MOB3C: variants seen among roughly 807,000 people sequenced by gnomAD.
MOB3C encodes the protein MOB1, Mps One Binder kinase activator-like 2C.
A neutral mutation model predicts 19.8 loss-of-function variants in MOB3C; 17 were observed. The observed-to-expected ratio is 0.86, with a 90% confidence interval of 0.59 to 1.29. The LOEUF is 1.29. Among genes scored for constraint, MOB3C ranks in the 50% most tolerant of loss-of-function variants. The pLI, the probability that MOB3C is intolerant of heterozygous loss-of-function variation, is 0.00. For synonymous variants in MOB3C, 101 were observed against 119.2 expected, an observed-to-expected ratio of 0.85 and a Z score of 0.99; for missense variants, 291 against 301.9, an observed-to-expected ratio of 0.96 and a Z score of 0.27.
At chr1:46,613,394 G>GTC (rs774620178) in intron 1 of MOB3C, 23 bp from the exon 2 acceptor site, 1 of 1,568,250 alleles carries the variant, frequency 6.4e-7, no homozygotes, top group Non-Finnish European at 8.6e-7. Flanking sequence ...AGGGCATAGG[G>GTC]GAGCTGGCGG....
intron 1 of MOB3C, chr1:46,615,726 C>G (rs1675549995): frequency 6.6e-6 from 1 of 152,218 alleles, no homozygotes; most frequent in African/African-American, 2.4e-5. Context: ...AGTAAAAGAC[C>G]ATTTTCCTGC....
chr1:46,616,494 A>ACCCCCCCCCCCCCCC (rs1675563605), intron 1 of MOB3C: 1 of 135,174 alleles, frequency 7.4e-6, no homozygotes, highest in African/African-American at 2.8e-5. Flanking sequence ...ACGCCCCCCA[A>ACCCCCCCCCCCCCCC]CCCCTCCCCT....
rs4275405 is a variant in MOB3C, at chr1:46,609,102, T to A, written c.*553A>T. The A allele has an allele frequency of 0.52, 92,195 of 177,126 alleles. 25,383 individuals carry two copies. Among genetic ancestry groups the A allele is most frequent in the East Asian group, 0.94 (5,472 of 5,810 alleles). 11.0% of individuals were successfully genotyped at this position (177,126 alleles called of 1,614,324 possible). A position where few individuals can be genotyped will look rare whatever the true frequency, so the allele number is the denominator to read the frequency against. On this transcript the variant is annotated 3_prime_UTR_variant, in exon 4 of 4. Coordinates refer to ENST00000319928, the MANE Select transcript of MOB3C (RefSeq NM_201403.3). ...TGAGCTGTCATCACTCCTACAGTGG[T>A]CATGGTCTGATGGTCCCATGGTCTG...
chr1:46,610,113 G>C lies in MOB3C; in HGVS notation c.510C>G (p.Phe170Leu), dbSNP rs1219625122. 3.1e-6 allele frequency: 5 copies of C among 1,614,092 alleles called. No homozygotes were observed. In the African/African-American group the frequency reaches 6.7e-5, roughly 22 times the overall value. Residue 170 changes from phenylalanine to leucine, a missense_variant, in exon 3 of 4, where the codon TTC becomes TTG. Physicochemically the swap from Phe to Leu is conservative, Grantham distance 22. Coordinates refer to ENST00000319928, the MANE Select transcript of MOB3C (RefSeq NM_201403.3). ...CTGCCCCCATGCTGAGGATGCTATC[G>C]AAGTGGTGGATGTAGACATGGACAA... is the stretch of plus-strand genomic sequence containing the variant. ...RVFVHVYIHHFDSILSMGAEA... is the reference protein window; with the variant it reads ...RVFVHVYIHHLDSILSMGAEA...
intron 1 of MOB3C, chr1:46,615,235 C>G: frequency 1.6e-6 from 1 of 606,456 alleles, no homozygotes; most frequent in Non-Finnish European, 2.9e-6. Flanking sequence ...TCCTACCTTT[C>G]CTGCCCCACT....
In MOB3C at chr1:46,608,234, C is replaced by T. The variant is rs898438922; in HGVS notation, c.*1421G>A. 2.7e-4 allele frequency: 41 copies of T among 152,522 alleles called. No individual in the cohort carries two copies. The highest frequency in any genetic ancestry group is 9.9e-4 in the African/African-American group (41 of 41,578). The allele number at this position is 152,522 out of a possible 1,614,324, so 9.4% of individuals were successfully genotyped here. On this transcript the variant is annotated 3_prime_UTR_variant, in exon 4 of 4. Transcript: ENST00000319928. This position sits in a 1 kb window ranked among gnomAD's most constrained non-coding sequence, Gnocchi z 4.5. The stretch of plus-strand genomic sequence containing the variant: ...GGTTTCTCCAGCTCCATGAATGCCT[C>T]CCTGTGAGGCCCTGGACAGTTTCTC...
Position 46,613,150 on chromosome 1 carries a change from C to A in MOB3C, c.172G>T (p.Asp58Tyr), listed in dbSNP as rs771683063. Residue 58 changes from aspartate (D) to tyrosine (Y), a missense_variant, in exon 2 of 4, where the codon GAC becomes TAC. Coordinates refer to ENST00000319928, the MANE Select transcript of MOB3C (RefSeq NM_201403.3). ...TCCACCACGTGCACGGCGATCCAGT[C>A]GTCGATGTTCTCCCCGGGTGGTAGC... is the stretch of plus-strand genomic sequence containing the variant. ...VRLPPGENID[D>Y]WIAVHVVDFF... The A allele has an allele frequency of 6.2e-7, 1 of 1,614,270 alleles. No homozygotes were observed. The highest frequency in any genetic ancestry group is 1.1e-5 in the South Asian group (1 of 91,086).
At chr1:46,612,658 GAAAA>G (rs112172528) in intron 2 of MOB3C, among the ~76,000 whole-genome samples, 1 of 97,128 alleles carries the variant, frequency 1.0e-5, no homozygotes, top group African/African-American at 3.4e-5. Flanking sequence ...TCTCAGAAAA[GAAAA>G]AAAAAAAAAA....
intron 1 of MOB3C, chr1:46,615,711 C>T (rs1675549614): frequency 6.6e-6 from 1 of 152,108 alleles, no homozygotes; most frequent in Non-Finnish European, 1.5e-5. Flanking sequence ...CAGCTCATGA[C>T]CAAGAGTAAA....
rs115135917 is a variant in MOB3C at position 46,613,231 on chromosome 1, A to G, written c.91T>C (p.Tyr31His). ...FEPGTQRFEL[Y>H]KKAQASLKSG... ...TTGAGAGAGGCCTGTGCCTTCTTGT[A>G]CAGCTCAAAGCGCTGTGTGCCCGGC... is the stretch of plus-strand genomic sequence containing the variant. The change falls in exon 2 of 4, where the codon TAC becomes CAC. Residue 31 changes from tyrosine (Y) to histidine (H), a missense_variant. By Grantham distance (83) the Tyr-to-His change is moderately conservative. Coordinates refer to ENST00000319928, the MANE Select transcript of MOB3C (RefSeq NM_201403.3). 4.2e-4 allele frequency: 678 copies of G among 1,614,170 alleles called. 6 individuals are homozygous for G. In the African/African-American group the frequency reaches 7.6e-3, roughly 18 times the overall value.
At chr1:46,614,548 A>T (rs1193496819) in intron 1 of MOB3C, 1 of 181,508 alleles carries the variant, frequency 5.5e-6, no homozygotes, top group Non-Finnish European at 1.2e-5. Context: ...ACTAAGGCTG[A>T]GTATAAGCTA....
rs1473622536 is a variant in MOB3C, at chr1:46,609,995, G to A, written c.621+7C>T. ...TGGTAGGGGAGGGTGGTAGGGCTTG[G>A]CCTCACCAGTGGCTCCAGCTCCCGC... On this transcript the variant is annotated splice_region_variant and intron_variant, in intron 3 of 3. Transcript: ENST00000319928. The A allele has an allele frequency of 6.2e-7, 1 of 1,614,156 alleles. No individual in the cohort carries two copies. Among genetic ancestry groups the A allele is most frequent in the South Asian group, 1.1e-5 (1 of 91,080 alleles).
chr1:46,614,832 G>GGGGA (rs1167248668), intron 1 of MOB3C: 1 of 608,498 alleles, frequency 1.6e-6, no homozygotes, highest in Non-Finnish European at 2.9e-6. Flanking sequence ...CAAACTAGCT[G>GGGGA]GGGAGCTGTT....
rs1018523607 is a variant in MOB3C, at chr1:46,608,013, T to C, written c.*1642A>G. Reference sequence around the variant, plus strand: ...CAAAGTACAGGCAGCTTCTAGGCCATTGAGTGGGGCATGATATTGGATGCT... The same window carrying C: ...CAAAGTACAGGCAGCTTCTAGGCCACTGAGTGGGGCATGATATTGGATGCT... On this transcript the variant is annotated 3_prime_UTR_variant, in exon 4 of 4. Coordinates refer to ENST00000319928, the MANE Select transcript of MOB3C (RefSeq NM_201403.3). The surrounding 1 kb of genome is among the most constrained non-coding windows in gnomAD (Gnocchi z 4.5). The C allele has an allele frequency of 1.3e-5, 2 of 152,230 alleles. No homozygotes were observed. Among genetic ancestry groups the C allele is most frequent in the African/African-American group, 2.4e-5 (1 of 41,456 alleles). The allele number at this position is 152,230 out of a possible 1,614,324, so 9.4% of individuals were successfully genotyped here.
chr1:46,613,028 G>A lies in MOB3C; in HGVS notation c.294C>T (p.Tyr98=), dbSNP rs1174270386. 1 of 1,613,942 alleles carries A rather than the reference G, an allele frequency of 6.2e-7. No homozygotes were observed. The highest frequency in any genetic ancestry group is 1.1e-5 in the South Asian group (1 of 91,066). The change falls in exon 2 of 4, where the codon TAC becomes TAT. Residue 98 remains tyrosine (Y), a synonymous_variant. Coordinates refer to ENST00000319928, the MANE Select transcript of MOB3C (RefSeq NM_201403.3). ...PVMAGGPRYE[Y]RWQDERQYRR... is the part of the protein sequence containing the mutation. ...GGTACTGGCGCTCGTCCTGCCAGCG[G>A]TACTCGTAGCGGGGCCCGCCGGCCA...
intron 1 of MOB3C, 68 bp from the exon 2 acceptor site, chr1:46,613,439 T>G (rs1015597550): frequency 7.2e-7 from 1 of 1,384,142 alleles, no homozygotes; most frequent in East Asian, 2.3e-5. Context: ...GACTTCCCAA[T>G]TCATCATTTC....
At chr1:46,612,314 A>G (rs574988599) in intron 2 of MOB3C, among the ~76,000 whole-genome samples, 22 of 152,276 alleles carry the variant, frequency 1.4e-4, no homozygotes, top group African/African-American at 5.3e-4. Flanking sequence ...AGGTCAAATC[A>G]GCTATGAACA....
intron 1 of MOB3C, chr1:46,615,088 A>G (rs1352640953): frequency 6.2e-7 from 1 of 1,606,218 alleles, no homozygotes; most frequent in Non-Finnish European, 8.5e-7. Flanking sequence ...TGCCATCTCC[A>G]TTTTAAACTC....
chr1:46,613,145 C>T lies in MOB3C; in HGVS notation c.177G>A (p.Trp59Ter), dbSNP rs1362846676. The change falls in exon 2 of 4, where the codon TGG (tryptophan) becomes TGA (stop). Residue 59 changes from tryptophan to a stop codon, truncating the protein, a stop_gained. Transcript: ENST00000319928. LOFTEE classifies it high-confidence loss of function. ...RLPPGENIDDWIAVHVVDFFN... is the reference protein window; with the variant it reads ...RLPPGENIDD ...AGAAGTCCACCACGTGCACGGCGAT[C>T]CAGTCGTCGATGTTCTCCCCGGGTG... is the stretch of plus-strand genomic sequence containing the variant. The T allele has an allele frequency of 3.7e-6, 6 of 1,614,152 alleles. No individual in the cohort carries two copies. Among genetic ancestry groups the T allele is most frequent in the East Asian group, 2.2e-5 (1 of 44,900 alleles).
Sources: allele counts gnomAD v4.1 joint callset (sites outside exome capture counted in the v4.1 genomes callset), GRCh38; gene constraint gnomAD v4.1.1; non-coding constraint Gnocchi (gnomAD v3.1); transcripts MANE v1.5; gene names NCBI Gene and HGNC (gene_info 2026-07-23, HGNC 2026-07-21).